Variants in ADGRL2 observed in about 807,000 individuals in gnomAD.
ADGRL2 encodes the protein calcium-independent alpha-latrotoxin receptor 2.
Under a neutral mutation model 157.4 loss-of-function variants are expected in ADGRL2, and 44 were observed. The ratio of observed to expected loss-of-function variants is 0.28; its 90% CI spans 0.22 to 0.36. The LOEUF (loss-of-function observed/expected upper bound fraction) is 0.36. ADGRL2 is among the 10% of genes least tolerant of loss of function. The pLI is 1.00. For synonymous variants in ADGRL2, 585 were observed against 624.7 expected (o/e 0.94, Z 0.95); for missense variants, 1,510 against 1,768.9 (o/e 0.85, Z 2.63).
At chr1:81,723,730 G>A (rs1021535885) in intron 1 of ADGRL2, among the ~76,000 whole-genome samples, 12 of 152,182 alleles carry the variant, frequency 7.9e-5, no homozygotes, top group African/African-American at 2.7e-4. Flanking sequence ...GGTAGAGACT[G>A]GAAGTACTTG....
intron 1 of ADGRL2, among the ~76,000 whole-genome samples, chr1:81,830,582 A>C (rs978037401): frequency 3.3e-5 from 5 of 151,988 alleles, no homozygotes; most frequent in Non-Finnish European, 5.9e-5. Context: ...ATCTCTGCTC[A>C]CTGCAACCTC....
At chr1:81,659,667 T>G (rs2082612859) in intron 3 of ADGRL2, among the ~76,000 whole-genome samples, 1 of 152,202 alleles carries the variant, frequency 6.6e-6, no homozygotes, top group Non-Finnish European at 1.5e-5. Flanking sequence ...ATAAGTATCA[T>G]TTCATGATTG....
At chr1:81,718,350 A>T (rs1447929818) in intron 1 of ADGRL2, among the ~76,000 whole-genome samples, 1 of 152,198 alleles carries the variant, frequency 6.6e-6, no homozygotes, top group Non-Finnish European at 1.5e-5. Flanking sequence ...TTAAGGAAAC[A>T]TAATGCAAAA....
In ADGRL2 at chr1:81,738,501, A is replaced by G. The variant is rs797019156; in HGVS notation, c.-142-23310A>G. Among the ~76,000 whole-genome samples, 12 of 152,226 alleles carry G rather than the reference A, an allele frequency of 7.9e-5. No homozygotes were observed. In the South Asian group the frequency reaches 2.5e-3, roughly 32 times the overall value. On this transcript the variant is annotated intron_variant, in intron 1 of 20. Transcript: ENST00000359929. ...CTAATACTAAGACTGGGACATAGTG[A>G]CAGCAAACATTACTGTCATGATATC... is the stretch of plus-strand genomic sequence containing the variant.
In ADGRL2 at chr1:81,908,255, A is replaced by G. The variant is rs1363770867; in HGVS notation, c.287+1025A>G. Among the ~76,000 whole-genome samples, 9 of 152,186 alleles carry G rather than the reference A, an allele frequency of 5.9e-5. No individual in the cohort carries two copies. In the East Asian group the frequency reaches 1.5e-3, roughly 26 times the overall value. Reference sequence around the variant, plus strand: ...GCTGACAATGCATATCCCAGAAAGTATCCCTTTGTTAATGATGCATAACTA... The same window carrying G: ...GCTGACAATGCATATCCCAGAAAGTGTCCCTTTGTTAATGATGCATAACTA... On this transcript the variant is annotated intron_variant, in intron 3 of 23. Transcript: ENST00000686636.
intron 1 of ADGRL2, among the ~76,000 whole-genome samples, chr1:81,392,232 A>AG (rs2076573073): frequency 6.6e-6 from 1 of 151,506 alleles, no homozygotes; most frequent in Non-Finnish European, 1.5e-5. Context: ...CCCCACAAAA[A>AG]AAAAAACAAA....
At chr1:81,329,685 G>T (rs940656202) in intron 1 of ADGRL2, among the ~76,000 whole-genome samples, 38 of 152,204 alleles carry the variant, frequency 2.5e-4, no homozygotes, top group African/African-American at 8.7e-4. Context: ...TATCAAAACT[G>T]CCCAAACCAC....
intron 2 of ADGRL2, among the ~76,000 whole-genome samples, chr1:81,548,440 G>A (rs909431660): frequency 6.6e-6 from 1 of 151,588 alleles, no homozygotes; most frequent in Admixed American, 6.6e-5. Context: ...GAGCGCTTCA[G>A]TATGAAAAAC....
chr1:81,686,268 G>C (rs2083226831), intron 3 of ADGRL2, among the ~76,000 whole-genome samples: 2 of 152,064 alleles, frequency 1.3e-5, no homozygotes, highest in Non-Finnish European at 2.9e-5. Flanking sequence ...TCTGATCCTG[G>C]ACTTTTTGTG....
At chr1:81,660,683 A>C (rs2082632180) in intron 3 of ADGRL2, among the ~76,000 whole-genome samples, 1 of 152,222 alleles carries the variant, frequency 6.6e-6, no homozygotes, top group Non-Finnish European at 1.5e-5. Context: ...GATCAAACAA[A>C]AAATTTAAAA....
intron 10 of ADGRL2, among the ~76,000 whole-genome samples, chr1:81,955,077 A>T (rs1653065070): frequency 6.6e-6 from 1 of 152,186 alleles, no homozygotes. Flanking sequence ...GTTATATTTT[A>T]TTTAATGTTA....
In ADGRL2 at chr1:81,616,427, T is replaced by C. The variant is rs375965046; in HGVS notation, c.-143+35447T>C. On this transcript the variant is annotated intron_variant, in intron 3 of 24. Coordinates refer to the ADGRL2 transcript ENST00000370721. ...TCTGTTACTGGTCACTGGTTGCCTA[T>C]TGGGGCTCGATTTCTTCTCTCAGGT... Among the ~76,000 whole-genome samples, 11 of 152,300 alleles carry C rather than the reference T, an allele frequency of 7.2e-5. No homozygotes were observed. The South Asian group carries it at 1.2e-3, about 17-fold the overall frequency.
At chr1:81,366,346 C>T (rs185874758) in intron 1 of ADGRL2, among the ~76,000 whole-genome samples, 6 of 151,276 alleles carry the variant, frequency 4.0e-5, no homozygotes, top group Admixed American at 3.9e-4. Flanking sequence ...TTTAAAAAGA[C>T]TTTTTTATTG....
At chr1:81,447,995 G>A (rs1474603745) in intron 2 of ADGRL2, among the ~76,000 whole-genome samples, 1 of 151,940 alleles carries the variant, frequency 6.6e-6, no homozygotes, top group Non-Finnish European at 1.5e-5. Context: ...CTCCGGCCAT[G>A]TAAGTTGGCT....
At chr1:81,818,191 T>C (rs2090612581) in intron 1 of ADGRL2, among the ~76,000 whole-genome samples, 3 of 152,028 alleles carry the variant, frequency 2.0e-5, no homozygotes, top group Admixed American at 2.0e-4. Context: ...AGAGTCTTAC[T>C]AAAATAAAAA....
intron 2 of ADGRL2, among the ~76,000 whole-genome samples, chr1:81,449,243 G>T (rs564049722): frequency 3.4e-4 from 51 of 152,046 alleles, no homozygotes; most frequent in Middle Eastern, 3.4e-3. Flanking sequence ...ATTATCCAGG[G>T]TCTGTGTAAT....
At chr1:81,628,206 G>A (rs2081947477) in intron 3 of ADGRL2, among the ~76,000 whole-genome samples, 1 of 152,162 alleles carries the variant, frequency 6.6e-6, no homozygotes, top group African/African-American at 2.4e-5. Flanking sequence ...AATAACATCA[G>A]TCACAAAATG....
intron 1 of ADGRL2, among the ~76,000 whole-genome samples, chr1:81,702,276 G>A (rs776632654): frequency 2.0e-4 from 31 of 152,272 alleles, no homozygotes; most frequent in Non-Finnish European, 3.8e-4. Context: ...ATCTACCTAC[G>A]TGTTTTCAAT....
chr1:81,679,407 G>GAAAA (rs56271921), intron 3 of ADGRL2, among the ~76,000 whole-genome samples: 2 of 146,592 alleles, frequency 1.4e-5, no homozygotes, highest in Non-Finnish European at 3.0e-5. Flanking sequence ...ATGGTAGTAA[G>GAAAA]AAAAAAAAAA....
Sources: gnomAD v4.1 joint callset for allele counts (sites outside exome capture counted in the v4.1 genomes callset) on GRCh38, gnomAD v4.1.1 for gene constraint, MANE v1.5 for transcripts, NCBI Gene and HGNC (gene_info 2026-07-23, HGNC 2026-07-21) for gene names.